HTT: variants seen among roughly 807,000 people sequenced by gnomAD.
HTT encodes huntingtin.
HTT carries 104 observed loss-of-function variants against 362.3 expected under a neutral mutation model. The observed-to-expected ratio is 0.29, with a 90% CI of 0.24 to 0.34. HTT has a LOEUF of 0.34. HTT is among the 10% of genes least tolerant of loss of function. The pLI is 1.00. For missense variants in HTT, 3,301 were observed against 3,928.6 expected, an observed-to-expected ratio of 0.84 and a Z score of 4.27; for synonymous variants, 1,577 against 1,548.7, an observed-to-expected ratio of 1.02 and a Z score of -0.43.
chr4:3,198,169 T>C (rs888189837), intron 40 of HTT, among the ~76,000 whole-genome samples: 8 of 151,790 alleles, frequency 5.3e-5, no homozygotes, highest in African/African-American at 1.7e-4. Context: ...AAGCCTGTAC[T>C]CTGTTTTTAC....
At chr4:3,145,494 T>A (rs1024513885) in intron 24 of HTT, among the ~76,000 whole-genome samples, 6 of 152,220 alleles carry the variant, frequency 3.9e-5, no homozygotes, top group Non-Finnish European at 8.8e-5. Flanking sequence ...TTTCATATGC[T>A]GGCAAAAGGC....
chr4:3,119,247 T>C lies in HTT; in HGVS notation c.1069-1981T>C, dbSNP rs531040869. Among the ~76,000 whole-genome samples the C allele has an allele frequency of 6.0e-4, 91 of 152,256 alleles. 2 individuals carry two copies. The highest frequency in any genetic ancestry group is 2.1e-3 in the African/African-American group (89 of 41,550). On this transcript the variant is annotated intron_variant, in intron 8 of 66. Transcript: ENST00000355072. ...GGCAGAGGGAAGGCATATGCATATA[T>C]TATCAACAAGGAGGGAGAAAAAGGC...
intron 26 of HTT, among the ~76,000 whole-genome samples, chr4:3,152,067 A>G (rs993333131): frequency 2.0e-5 from 3 of 150,574 alleles, no homozygotes; most frequent in Admixed American, 6.6e-5. Flanking sequence ...AGTTGGGACT[A>G]CAGGCATACC....
At chr4:3,078,250 A>C (rs1391460358) in intron 1 of HTT, among the ~76,000 whole-genome samples, 2 of 152,276 alleles carry the variant, frequency 1.3e-5, no homozygotes, top group Non-Finnish European at 2.9e-5. Flanking sequence ...AATATTTACT[A>C]AACATGTACT....
At position 3,130,321 on chromosome 4, in the gene HTT, T is replaced by G. The variant is rs754280710; in HGVS notation, c.1884T>G (p.His628Gln). The change falls in exon 14 of 67, where the codon CAT (histidine) becomes CAG (glutamine). Residue 628 changes from histidine (H) to glutamine (Q), a missense_variant. His to Gln is a conservative substitution (Grantham distance 24). Around this residue, in one of 4 missense-constraint regions of HTT, gnomAD observed 2,316 missense variants for 2,658.5 expected, o/e 0.87. Transcript: ENST00000355072. The stretch of plus-strand genomic sequence containing the variant: ...TTTTTAAAGCCCTTCAACAGGCACA[T>G]TTATTGAAAAACATGAGTCACTGCA... ...RNSSMALQQA[H>Q]LLKNMSHCRQ... 6.3e-7 allele frequency: 1 copy of G among 1,586,446 alleles called. No individual in the cohort carries two copies. Among genetic ancestry groups the G allele is most frequent in the South Asian group, 1.2e-5 (1 of 86,602 alleles).
At chr4:3,230,378 A>C (rs1166794442) in intron 60 of HTT, among the ~76,000 whole-genome samples, 1 of 152,162 alleles carries the variant, frequency 6.6e-6, no homozygotes, top group African/African-American at 2.4e-5. Flanking sequence ...TGGAAATGCT[A>C]CTGGCTTCCC....
chr4:3,196,357 T>C (rs1408040456), intron 40 of HTT, among the ~76,000 whole-genome samples: 3 of 152,178 alleles, frequency 2.0e-5, no homozygotes, highest in African/African-American at 7.2e-5. Flanking sequence ...CCTGCCGGCT[T>C]CCTGGCCCCT....
chr4:3,151,926 AAATTT>A (rs1716914479), intron 26 of HTT, among the ~76,000 whole-genome samples: 1 of 152,024 alleles, frequency 6.6e-6, no homozygotes, highest in South Asian at 2.1e-4. Context: ...ATTTTTTAAA[AAATTT>A]AATTTAATTT....
At chr4:3,140,774 T>C (rs771914670) in intron 22 of HTT, 118 bp downstream of exon 22, 131 of 947,294 alleles carry the variant, frequency 1.4e-4, no homozygotes, top group Non-Finnish European at 1.9e-4. Context: ...CTCAGGATGT[T>C]TGAGTGTAGG....
rs554505577 is a variant in HTT at position 3,150,450 on chromosome 4, A to G, written c.3498+2243A>G. Among the ~76,000 whole-genome samples, 22 of 152,294 alleles carry G rather than the reference A, an allele frequency of 1.4e-4. 1 individual carries two copies. The highest frequency in any genetic ancestry group is 4.8e-4 in the African/African-American group (20 of 41,558). ...GACCTGTCTCTGGAGCTGCAGTTCA[A>G]TGTAGCCAGCTGCCCCGTGACACTT... On this transcript the variant is annotated intron_variant, in intron 26 of 66. Transcript: ENST00000355072.
intron 1 of HTT, among the ~76,000 whole-genome samples, chr4:3,078,603 C>G (rs1712697526): frequency 6.6e-6 from 1 of 152,110 alleles, no homozygotes; most frequent in Non-Finnish European, 1.5e-5. Context: ...AGTTCTTGCT[C>G]TATCAGCCAG....
chr4:3,129,918 G>C lies in HTT; in HGVS notation c.1744-6G>C. 1.9e-6 allele frequency: 3 copies of C among 1,613,908 alleles called. No individual in the cohort carries two copies. Among genetic ancestry groups the C allele is most frequent in the Non-Finnish European group, 2.5e-6 (3 of 1,179,898 alleles). On this transcript the variant is annotated splice_region_variant and splice_polypyrimidine_tract_variant and intron_variant, in intron 12 of 66. Coordinates refer to ENST00000355072, the MANE Select transcript of HTT (RefSeq NM_001388492.1). The stretch of plus-strand genomic sequence containing the variant: ...AAATTCTCACAGCCCCCCTTGAACC[G>C]TTTAGGTGTTAGACGGTACCGACAA...
At chr4:3,179,273 A>T (rs1251192665) in intron 35 of HTT, among the ~76,000 whole-genome samples, 1 of 152,122 alleles carries the variant, frequency 6.6e-6, no homozygotes, top group Non-Finnish European at 1.5e-5. Flanking sequence ...ACGGCCTCAC[A>T]AGGGCTTCAG....
intron 18 of HTT, among the ~76,000 whole-genome samples, chr4:3,133,477 C>T (rs1181715118): frequency 7.2e-6 from 1 of 139,558 alleles, no homozygotes; most frequent in East Asian, 2.1e-4. Flanking sequence ...GCCTGGGCAA[C>T]AGAGTGAGAC....
At chr4:3,110,901 G>C (rs1471961502) in intron 6 of HTT, among the ~76,000 whole-genome samples, 2 of 152,100 alleles carry the variant, frequency 1.3e-5, no homozygotes, top group East Asian at 3.8e-4. Flanking sequence ...CCTGAAATTG[G>C]TTAGTTGGAT....
chr4:3,231,401 C>G (rs1448915987), intron 60 of HTT, among the ~76,000 whole-genome samples: 1 of 152,202 alleles, frequency 6.6e-6, no homozygotes, highest in African/African-American at 2.4e-5. Flanking sequence ...GCACCCCCAC[C>G]TGACAAGGCC....
chr4:3,220,705 G>A (rs1344886726), intron 53 of HTT, among the ~76,000 whole-genome samples: 1 of 152,040 alleles, frequency 6.6e-6, no homozygotes, highest in Non-Finnish European at 1.5e-5. Flanking sequence ...TTTCTCATAT[G>A]GGAACAAGCA....
intron 45 of HTT, among the ~76,000 whole-genome samples, chr4:3,208,495 A>T (rs1487372612): frequency 6.6e-6 from 1 of 152,250 alleles, no homozygotes; most frequent in Non-Finnish European, 1.5e-5. Context: ...GCAGTGTTTG[A>T]GTATAAATGA....
At position 3,116,245 on chromosome 4, in the gene HTT, T is replaced by C. The variant is rs771132356; in HGVS notation, c.1050T>C (p.Ser350=). 9.9e-6 allele frequency: 16 copies of C among 1,611,338 alleles called. No individual in the cohort carries two copies. Among genetic ancestry groups the C allele is most frequent in the Non-Finnish European group, 1.3e-5 (15 of 1,177,686 alleles). The stretch of plus-strand genomic sequence containing the variant: ...GGAAAGAAATGGAAGTCTCTCCTTC[T>C]GCAGAGCAGCTTGTCCAGGTAGGAG... ...VTRKEMEVSP[S]AEQLVQVYEL... The change falls in exon 8 of 67, where the codon TCT becomes TCC. Residue 350 remains serine, a synonymous_variant. Transcript: ENST00000355072.
Sources: gnomAD v4.1 joint callset for allele counts (sites outside exome capture counted in the v4.1 genomes callset) on GRCh38, gnomAD v4.1.1 for gene constraint, gnomAD v4.1.1 regional missense constraint, MANE v1.5 for transcripts, NCBI Gene and HGNC (gene_info 2026-07-23, HGNC 2026-07-21) for gene names.